Variants in ACAP2 observed in about 807,000 individuals in gnomAD.
ACAP2 encodes ArfGAP with coiled-coil, ankyrin repeat and PH domains 2.
In ACAP2, 39 loss-of-function variants were observed where a neutral mutation model predicts 115.8. The observed-to-expected ratio is 0.34, with a 90% CI of 0.26 to 0.44. ACAP2 has a LOEUF of 0.44. Ranked by LOEUF, ACAP2 falls within the 20% of genes least tolerant of loss-of-function variation. The pLI, the probability that ACAP2 is intolerant of heterozygous loss-of-function variation, is 1.00. For missense variants in ACAP2, 662 were observed against 927.6 expected, an observed-to-expected ratio of 0.71 and a Z score of 3.72; for synonymous variants, 289 against 315.8, an observed-to-expected ratio of 0.92 and a Z score of 0.90.
intron 1 of ACAP2, among the ~76,000 whole-genome samples, chr3:195,423,193 C>A (rs187275151): frequency 6.6e-6 from 1 of 151,852 alleles, no homozygotes; most frequent in African/African-American, 2.4e-5. Flanking sequence ...ATTTTATATA[C>A]CTATTATACA....
chr3:195,380,863 G>A (rs1039511616), intron 4 of ACAP2, 146 bp downstream of exon 4: 2 of 680,212 alleles, frequency 2.9e-6, no homozygotes, highest in African/African-American at 1.8e-5. Flanking sequence ...CACACACAGC[G>A]TACATTTTAG....
chr3:195,321,656 C>G (rs2108603544), intron 9 of ACAP2, among the ~76,000 whole-genome samples: 1 of 150,322 alleles, frequency 6.7e-6, no homozygotes, highest in East Asian at 2.0e-4. Context: ...CTCTGTCACC[C>G]AGGCTGGAGT....
At chr3:195,283,482 C>A (rs1236488671) in intron 22 of ACAP2, among the ~76,000 whole-genome samples, 1 of 152,254 alleles carries the variant, frequency 6.6e-6, no homozygotes, top group Non-Finnish European at 1.5e-5. Flanking sequence ...ATTTAATTTA[C>A]CCAGAGTTCT....
chr3:195,365,904 C>T (rs1304557702), intron 4 of ACAP2, among the ~76,000 whole-genome samples: 1 of 150,014 alleles, frequency 6.7e-6, no homozygotes, highest in African/African-American at 2.5e-5. Context: ...GTAGGTGGCG[C>T]GACCTTAGCT....
In ACAP2 at chr3:195,359,961, C is replaced by T. The variant is rs1277468254; in HGVS notation, c.286-14644G>A. ...AAAATCACCTTCATTAAAAGGAAGA[C>T]ACTATGGAAGAGAAGACCACAAAAC... On this transcript the variant is annotated intron_variant, in intron 4 of 22. Transcript: ENST00000326793. Among the ~76,000 whole-genome samples the T allele has an allele frequency of 2.0e-5, 3 of 152,042 alleles. No individual in the cohort carries two copies. In the East Asian group the frequency reaches 5.8e-4, roughly 29 times the overall value.
At chr3:195,421,045 G>C (rs1714151435) in intron 1 of ACAP2, among the ~76,000 whole-genome samples, 2 of 152,128 alleles carry the variant, frequency 1.3e-5, no homozygotes, top group Admixed American at 6.6e-5. Context: ...TTAACCATTA[G>C]GTTAAACAGA....
chr3:195,399,193 C>A (rs1712057773), intron 1 of ACAP2, among the ~76,000 whole-genome samples: 1 of 152,126 alleles, frequency 6.6e-6, no homozygotes, highest in African/African-American at 2.4e-5. Flanking sequence ...AAAAACCTCA[C>A]CAGATTTTAT....
intron 1 of ACAP2, chr3:195,413,034 T>C (rs1713418323): frequency 3.7e-6 from 1 of 272,642 alleles, no homozygotes; most frequent in Non-Finnish European, 7.7e-6. Flanking sequence ...GATTCCATTT[T>C]AAATATTTAA....
rs1733911647 is a variant in ACAP2 at position 195,381,077 on chromosome 3, G to C, written c.232-15C>G. 1.3e-6 allele frequency: 2 copies of C among 1,585,984 alleles called. No homozygotes were observed. The highest frequency in any genetic ancestry group is 4.5e-5 in the East Asian group (2 of 44,466). On this transcript the variant is annotated splice_polypyrimidine_tract_variant and intron_variant, in intron 3 of 22. Coordinates refer to ENST00000326793, the MANE Select transcript of ACAP2 (RefSeq NM_012287.6). ...GTCAAACTTGTCTATGAGAAAAAAA[G>C]CAAAAGAAAACCAAATCATTTATGA... is the stretch of plus-strand genomic sequence containing the variant.
At chr3:195,306,760 T>C (rs12495657) in intron 12 of ACAP2, 144 bp from the exon 13 acceptor site, 13,782 of 588,954 alleles carry the variant, frequency 0.023, 416 homozygotes, top group South Asian at 0.087. Context: ...TTTTATTTCA[T>C]GTATCTTTAG....
At chr3:195,387,304 A>G (rs1734369959) in intron 2 of ACAP2, among the ~76,000 whole-genome samples, 1 of 152,166 alleles carries the variant, frequency 6.6e-6, no homozygotes, top group Non-Finnish European at 1.5e-5. Context: ...TCATTCAACA[A>G]CTTTTTACTA....
intron 1 of ACAP2, among the ~76,000 whole-genome samples, chr3:195,396,034 T>C (rs1711745003): frequency 6.6e-6 from 1 of 151,984 alleles, no homozygotes; most frequent in Non-Finnish European, 1.5e-5. Context: ...GTGGATCACA[T>C]AAGGTCAGGA....
intron 6 of ACAP2, among the ~76,000 whole-genome samples, chr3:195,338,229 T>C (rs1263616465): frequency 1.3e-5 from 2 of 150,680 alleles, no homozygotes; most frequent in Non-Finnish European, 2.9e-5. Flanking sequence ...GGTCTTTGCC[T>C]TATTCCCAGC....
intron 10 of ACAP2, among the ~76,000 whole-genome samples, chr3:195,310,675 G>A (rs571987438): frequency 6.6e-6 from 1 of 152,230 alleles, no homozygotes; most frequent in African/African-American, 2.4e-5. Flanking sequence ...CTGCATCTTA[G>A]GACAATATCT....
intron 4 of ACAP2, among the ~76,000 whole-genome samples, chr3:195,351,441 CGTGTGTGTGTGTGTGTGTGT>C (rs56049053): frequency 1.2e-4 from 16 of 130,056 alleles, no homozygotes; most frequent in South Asian, 8.0e-4. Context: ...TTTTCTTTTT[CGTGTGTGTGTGTGTGTGTGT>C]GTGTGTGTGT....
intron 10 of ACAP2, among the ~76,000 whole-genome samples, chr3:195,313,380 C>T (rs1401289426): frequency 6.6e-6 from 1 of 152,162 alleles, no homozygotes; most frequent in African/African-American, 2.4e-5. Context: ...TTCAGGAAAA[C>T]AATCACTGTA....
chr3:195,406,557 C>G (rs1343620026), intron 1 of ACAP2, among the ~76,000 whole-genome samples: 1 of 152,184 alleles, frequency 6.6e-6, no homozygotes, highest in Non-Finnish European at 1.5e-5. Context: ...AACTAAAAAT[C>G]CCGGCCTCAA....
intron 4 of ACAP2, among the ~76,000 whole-genome samples, chr3:195,348,550 T>C (rs1236036486): frequency 6.6e-6 from 1 of 152,018 alleles, no homozygotes; most frequent in Non-Finnish European, 1.5e-5. Flanking sequence ...CGAAGCAGTA[T>C]CCCTCATGAA....
At chr3:195,319,225 A>G (rs1729288134) in intron 10 of ACAP2, among the ~76,000 whole-genome samples, 1 of 152,340 alleles carries the variant, frequency 6.6e-6, no homozygotes, top group East Asian at 1.9e-4. Flanking sequence ...AGGTCCAGGC[A>G]GAAGTCTGCG....
Sources: gnomAD v4.1 joint callset for allele counts (sites outside exome capture counted in the v4.1 genomes callset) on GRCh38, gnomAD v4.1.1 for gene constraint, MANE v1.5 for transcripts, NCBI Gene and HGNC (gene_info 2026-07-23, HGNC 2026-07-21) for gene names.